TRPC5: variants seen among roughly 807,000 people sequenced by gnomAD.
TRPC5 encodes transient receptor potential cation channel subfamily C member 5, also known as short transient receptor potential channel 5.
In TRPC5, 9 loss-of-function variants were observed where a neutral mutation model predicts 56.5. That is an observed-to-expected ratio of 0.16 (90% CI 0.10 to 0.28). The LOEUF (loss-of-function observed/expected upper bound fraction) is 0.28, where lower values mean the gene tolerates loss of function less well. Ranked by LOEUF, TRPC5 falls within the 10% of genes least tolerant of loss-of-function variation. The pLI, the probability that TRPC5 is intolerant of heterozygous loss-of-function variation, is 1.00. For missense variants in TRPC5, 469 were observed against 748.9 expected (o/e 0.63, Z 4.36); for synonymous variants, 282 against 278.5 (o/e 1.01, Z -0.13).
chrX:111,997,696 C>G (rs1928580603), intron 1 of TRPC5, among the ~76,000 whole-genome samples: 1 of 109,782 alleles, frequency 9.1e-6, no homozygotes, highest in Non-Finnish European at 1.9e-5. Context: ...TTTCTTTTTA[C>G]TCTTTTGTCT....
chrX:111,806,308 A>G (rs1921511347), intron 7 of TRPC5, among the ~76,000 whole-genome samples: 1 of 112,337 alleles, frequency 8.9e-6, no homozygotes, highest in African/African-American at 3.2e-5. Context: ...CTGGCTCAAG[A>G]TCTCTTACAA....
rs1331880673 is a variant in TRPC5, at chrX:111,790,446, A to T, written c.1897-8308T>A. 2.7e-5 allele frequency among the ~76,000 whole-genome samples: 3 copies of T among 111,051 alleles called. No homozygotes were observed. The East Asian group carries it at 8.5e-4, about 32-fold the overall frequency. ...CTGGGGGAGGGATAGCATTAGGAGAAATACCTAATGTAAATGATGAGTTGA... is the reference window on the plus strand; with the variant it reads ...CTGGGGGAGGGATAGCATTAGGAGATATACCTAATGTAAATGATGAGTTGA... On this transcript the variant is annotated intron_variant, in intron 7 of 10. Coordinates refer to ENST00000262839, the MANE Select transcript of TRPC5 (RefSeq NM_012471.3).
At chrX:111,814,873 C>CTACA (rs1331576074) in intron 7 of TRPC5, among the ~76,000 whole-genome samples, 1 of 110,840 alleles carries the variant, frequency 9.0e-6, no homozygotes, top group Non-Finnish European at 1.9e-5. Flanking sequence ...AACTCAGGTG[C>CTACA]TACACTTCAG....
At chrX:111,816,702 G>A (rs1007411497) in intron 7 of TRPC5, among the ~76,000 whole-genome samples, 2 of 111,086 alleles carry the variant, frequency 1.8e-5, no homozygotes, top group African/African-American at 3.3e-5. Context: ...TGGGGTAATG[G>A]TGAAGGGAGA....
intron 7 of TRPC5, among the ~76,000 whole-genome samples, chrX:111,812,040 AT>A (rs1441112512): frequency 1.8e-5 from 2 of 111,003 alleles, no homozygotes; most frequent in African/African-American, 6.6e-5. Context: ...GAGAATGATG[AT>A]TCAACTCCTG....
chrX:111,843,539 T>G, intron 6 of TRPC5, among the ~76,000 whole-genome samples: 1 of 111,096 alleles, frequency 9.0e-6, no homozygotes, highest in Non-Finnish European at 1.9e-5. Context: ...TGTACAAAGG[T>G]CTGAAGGGCT....
chrX:111,776,691 T>C lies in TRPC5; in HGVS notation c.2544A>G (p.Leu848=). The C allele has an allele frequency of 2.5e-6, 3 of 1,211,755 alleles. No homozygotes were observed. Among genetic ancestry groups the C allele is most frequent in the Non-Finnish European group, 3.4e-6 (3 of 895,522 alleles). Residue 848 remains leucine, a synonymous_variant, in exon 11 of 11, where the codon CTA becomes CTG. Coordinates refer to ENST00000262839, the MANE Select transcript of TRPC5 (RefSeq NM_012471.3). The stretch of plus-strand genomic sequence containing the variant: ...ACATATGACCATTAAATTTGGAGAA[T>C]AGGAGACCCAGTTTCTTGAGAGAAG... ...MGPSLKKLGL[L]FSKFNGHMSE... is the part of the protein sequence containing the mutation.
chrX:112,048,582 G>T (rs1196378255), intron 1 of TRPC5, among the ~76,000 whole-genome samples: 1 of 109,956 alleles, frequency 9.1e-6, no homozygotes, highest in African/African-American at 3.3e-5. Context: ...GGGAGGGAAG[G>T]ATTACCACAT....
intron 7 of TRPC5, among the ~76,000 whole-genome samples, chrX:111,789,701 A>T (rs1245338534): frequency 1.8e-5 from 2 of 112,328 alleles, no homozygotes; most frequent in African/African-American, 3.2e-5. Flanking sequence ...TCTACAAAGA[A>T]CTCAAGCAAA....
intron 1 of TRPC5, among the ~76,000 whole-genome samples, chrX:112,053,565 A>G (rs1249056989): frequency 1.8e-5 from 2 of 111,636 alleles, no homozygotes; most frequent in Non-Finnish European, 3.8e-5. Context: ...CCCATTATTG[A>G]GAGCTAAGAG....
chrX:111,894,663 C>G (rs1193440059), intron 3 of TRPC5, among the ~76,000 whole-genome samples: 3 of 111,720 alleles, frequency 2.7e-5, no homozygotes, highest in Non-Finnish European at 5.6e-5. Flanking sequence ...CCTGGTAAGA[C>G]TCTTATCACT....
At chrX:112,069,275 A>G (rs1930659938) in intron 1 of TRPC5, among the ~76,000 whole-genome samples, 1 of 112,044 alleles carries the variant, frequency 8.9e-6, no homozygotes. Context: ...GACTCCCAGT[A>G]TAGTGCTTTT....
rs1042793791 is a variant in TRPC5 at position 111,911,302 on chromosome X, T to C, written c.900+989A>G. 1.1e-4 allele frequency among the ~76,000 whole-genome samples: 12 copies of C among 112,767 alleles called. 1 individual carries two copies. The Middle Eastern group carries it at 0.014, about 129-fold the overall frequency. ...ATGGAAATGGACATCAAAGCACTTC[T>C]GGTGCCATGCACTGAATGTTAGCTT... On this transcript the variant is annotated intron_variant, in intron 3 of 10. Coordinates refer to ENST00000262839, the MANE Select transcript of TRPC5 (RefSeq NM_012471.3).
rs775524027 is a variant in TRPC5 at position 111,912,736 on chromosome X, G to A, written c.455C>T (p.Thr152Ile). 8.5e-5 allele frequency: 103 copies of A among 1,206,248 alleles called. No individual in the cohort carries two copies. The highest frequency in any genetic ancestry group is 1.2e-4 in the Non-Finnish European group (103 of 895,198). The change falls in exon 3 of 11, where the codon ACC becomes ATC. Residue 152 changes from threonine (T) to isoleucine (I), a missense_variant. Transcript: ENST00000262839. ...DITPIMLAAH[T>I]NNYEIIKLLV... Reference sequence around the variant, plus strand: ...CAATTTGATGATTTCGTAGTTGTTGGTGTGGGCAGCCAGCATGATGGGAGT... The same window carrying A: ...CAATTTGATGATTTCGTAGTTGTTGATGTGGGCAGCCAGCATGATGGGAGT...
Position 112,030,450 on chromosome X carries a change from G to C in TRPC5, c.-22+51429C>G, listed in dbSNP as rs887408253. On this transcript the variant is annotated intron_variant, in intron 1 of 10. Coordinates refer to ENST00000262839, the MANE Select transcript of TRPC5 (RefSeq NM_012471.3). ...AATCGCTATAGCATTCCGAATCCTGGAGCCTCATAAGGAGGATAAGAAAAC... is the reference window on the plus strand; with the variant it reads ...AATCGCTATAGCATTCCGAATCCTGCAGCCTCATAAGGAGGATAAGAAAAC... 3.6e-5 allele frequency among the ~76,000 whole-genome samples: 4 copies of C among 112,117 alleles called. No homozygotes were observed. In the Admixed American group the frequency reaches 3.8e-4, roughly 11 times the overall value.
intron 1 of TRPC5, among the ~76,000 whole-genome samples, chrX:111,962,377 C>T (rs1464192162): frequency 8.9e-6 from 1 of 112,114 alleles, no homozygotes; most frequent in Non-Finnish European, 1.9e-5. Flanking sequence ...GAATGAAGTA[C>T]ATTTAAGATG....
intron 1 of TRPC5, among the ~76,000 whole-genome samples, chrX:111,961,956 GC>G (rs1369809432): frequency 8.9e-6 from 1 of 111,877 alleles, no homozygotes; most frequent in Non-Finnish European, 1.9e-5. Flanking sequence ...GGAGCTGGAG[GC>G]CATTATCCTA....
intron 2 of TRPC5, among the ~76,000 whole-genome samples, chrX:111,945,765 C>T: frequency 8.9e-6 from 1 of 111,819 alleles, no homozygotes; most frequent in East Asian, 2.8e-4. Flanking sequence ...AGCCCTTGCC[C>T]AGTAAAGCCA....
At chrX:111,795,282 G>T (rs1445527814) in intron 7 of TRPC5, among the ~76,000 whole-genome samples, 3 of 110,582 alleles carry the variant, frequency 2.7e-5, no homozygotes, top group Non-Finnish European at 5.7e-5. Context: ...GGTTTTTGTG[G>T]ATTCTTTATA....
Sources: allele counts gnomAD v4.1 joint callset (sites outside exome capture counted in the v4.1 genomes callset), GRCh38; gene constraint gnomAD v4.1.1; transcripts MANE v1.5; gene names NCBI Gene and HGNC (gene_info 2026-07-23, HGNC 2026-07-21).